The following CNTN4 variants were observed in gnomAD, a reference collection of about 807,000 sequenced individuals.
CNTN4 encodes the protein contactin-4.
CNTN4 carries 77 observed loss-of-function variants against 122.5 expected under a neutral mutation model. That is an observed-to-expected ratio of 0.63 (90% CI 0.52 to 0.76). The LOEUF is 0.76. Ranked by LOEUF, CNTN4 falls within the 30% of genes least tolerant of loss-of-function variation. The pLI is 0.00. For synonymous variants in CNTN4, 512 were observed against 447.0 expected (o/e 1.15, Z -1.83); for missense variants, 1,256 against 1,259.1 (o/e 1.00, Z 0.04).
intron 3 of CNTN4, among the ~76,000 whole-genome samples, chr3:2,458,625 A>AT (rs36109164): frequency 0.18 from 27,988 of 151,548 alleles, 3,237 homozygotes; most frequent in Middle Eastern, 0.28. Flanking sequence ...AGAATGTGCG[A>AT]TTTTTTTTTC....
At chr3:2,551,020 G>A (rs545110811) in intron 3 of CNTN4, among the ~76,000 whole-genome samples, 22 of 152,110 alleles carry the variant, frequency 1.4e-4, no homozygotes, top group African/African-American at 5.3e-4. Context: ...GTTGATGAGT[G>A]CAGCAAACCA....
At chr3:2,805,578 A>G (rs551759589) in intron 6 of CNTN4, among the ~76,000 whole-genome samples, 1 of 152,170 alleles carries the variant, frequency 6.6e-6, no homozygotes, top group Non-Finnish European at 1.5e-5. Context: ...CTTGATGCCA[A>G]AGCTCTCATG....
chr3:2,285,021 A>G (rs1055677911), intron 2 of CNTN4, among the ~76,000 whole-genome samples: 2 of 151,996 alleles, frequency 1.3e-5, no homozygotes, highest in African/African-American at 4.8e-5. Flanking sequence ...ATCTAATAAG[A>G]TACGTTTTTA....
intron 4 of CNTN4, among the ~76,000 whole-genome samples, chr3:2,646,351 T>G (rs1243943692): frequency 1.3e-5 from 2 of 152,234 alleles, no homozygotes; most frequent in Non-Finnish European, 2.9e-5. Flanking sequence ...TACCAGACTT[T>G]AGATTCAAAT....
intron 6 of CNTN4, among the ~76,000 whole-genome samples, chr3:2,762,496 AG>A (rs2090635535): frequency 6.6e-6 from 1 of 152,156 alleles, no homozygotes; most frequent in Non-Finnish European, 1.5e-5. Context: ...TAGTTTGCTA[AG>A]GATAATGGCT....
At chr3:2,483,224 G>C (rs1053766466) in intron 3 of CNTN4, among the ~76,000 whole-genome samples, 2 of 152,200 alleles carry the variant, frequency 1.3e-5, no homozygotes, top group Admixed American at 1.3e-4. Context: ...AAGGTTTACT[G>C]ACTGTCCTAT....
At chr3:2,299,322 A>G (rs1287739854) in intron 2 of CNTN4, among the ~76,000 whole-genome samples, 1 of 152,182 alleles carries the variant, frequency 6.6e-6, no homozygotes, top group East Asian at 1.9e-4. Flanking sequence ...TGCTAATGAA[A>G]ACAAACTCAT....
intron 3 of CNTN4, among the ~76,000 whole-genome samples, chr3:2,352,988 G>T (rs2150463350): frequency 6.6e-6 from 1 of 152,212 alleles, no homozygotes; most frequent in South Asian, 2.1e-4. Flanking sequence ...TTTGTGTCTA[G>T]CTAAAGGATT....
At chr3:2,173,525 T>C (rs2036604398) in intron 2 of CNTN4, among the ~76,000 whole-genome samples, 1 of 152,210 alleles carries the variant, frequency 6.6e-6, no homozygotes, top group Non-Finnish European at 1.5e-5. Flanking sequence ...GCAGAGCTTT[T>C]TGTGGGGATA....
At chr3:2,580,347 A>G (rs1377886295) in intron 4 of CNTN4, among the ~76,000 whole-genome samples, 5 of 152,180 alleles carry the variant, frequency 3.3e-5, no homozygotes, top group Admixed American at 3.3e-4. Context: ...GGAGGTGTCT[A>G]TAATGGTACT....
intron 3 of CNTN4, among the ~76,000 whole-genome samples, chr3:2,340,710 T>TATATATATATATATATAGAGAG: frequency 8.2e-4 from 15 of 18,302 alleles, no homozygotes; most frequent in Non-Finnish European, 1.6e-3. Context: ...TATATATATA[T>TATATATATATATATATAGAGAG]AGAGAGAGAG....
At chr3:2,990,618 G>C (rs1243941645) in intron 14 of CNTN4, among the ~76,000 whole-genome samples, 1 of 152,156 alleles carries the variant, frequency 6.6e-6, no homozygotes, top group African/African-American at 2.4e-5. Context: ...ACAAGCCCCA[G>C]GACAAAACCG....
At chr3:2,755,388 A>G (rs1415958697) in intron 6 of CNTN4, among the ~76,000 whole-genome samples, 1 of 152,196 alleles carries the variant, frequency 6.6e-6, no homozygotes, top group African/African-American at 2.4e-5. Context: ...ACATTTGGGT[A>G]TCAAAAGTAA....
rs150152048 is a variant in CNTN4, at chr3:2,370,341, T to G, written c.-89+31108T>G. 3.3e-3 allele frequency among the ~76,000 whole-genome samples: 500 copies of G among 152,320 alleles called. 4 individuals are homozygous for G. The highest frequency in any genetic ancestry group is 0.01 in the Middle Eastern group (3 of 294). On this transcript the variant is annotated intron_variant, in intron 3 of 24. Transcript: ENST00000418658. ...ATGATATTATGTTGAAGAGAAATGT[T>G]TTATAACTGTCATACTTTGGTTTTC...
intron 9 of CNTN4, 73 bp downstream of exon 9, chr3:2,883,320 C>A (rs1285860179): frequency 4.5e-5 from 49 of 1,078,284 alleles, no homozygotes; most frequent in Non-Finnish European, 4.5e-5. Flanking sequence ...TTGCACTGTT[C>A]ACAGCGATGG....
intron 2 of CNTN4, among the ~76,000 whole-genome samples, chr3:2,247,388 T>G (rs568212857): frequency 3.3e-5 from 5 of 152,122 alleles, no homozygotes; most frequent in African/African-American, 1.2e-4. Context: ...TTATTCTGCT[T>G]CCCTAAGAAG....
At chr3:2,489,953 AT>A (rs1207642199) in intron 3 of CNTN4, among the ~76,000 whole-genome samples, 1 of 152,040 alleles carries the variant, frequency 6.6e-6, no homozygotes, top group African/African-American at 2.4e-5. Flanking sequence ...GCCATTTTAT[AT>A]TTTTCTACAA....
chr3:2,520,990 C>T (rs1289871234), intron 3 of CNTN4, among the ~76,000 whole-genome samples: 1 of 152,156 alleles, frequency 6.6e-6, no homozygotes, highest in Non-Finnish European at 1.5e-5. Flanking sequence ...TACGAAAGTA[C>T]GTGCATTCTA....
chr3:2,288,674 A>C (rs1394368352), intron 2 of CNTN4, among the ~76,000 whole-genome samples: 1 of 152,204 alleles, frequency 6.6e-6, no homozygotes, highest in South Asian at 2.1e-4. Context: ...AGATAAAGCC[A>C]TACTAAGTAT....
Sources: allele counts gnomAD v4.1 joint callset (sites outside exome capture counted in the v4.1 genomes callset), GRCh38; gene constraint gnomAD v4.1.1; transcripts MANE v1.5; gene names NCBI Gene and HGNC (gene_info 2026-07-23, HGNC 2026-07-21).